RBFOX1: variants seen among roughly 807,000 people sequenced by gnomAD.
RBFOX1 encodes the protein RNA binding protein fox-1 homolog 1.
In RBFOX1, 8 loss-of-function variants were observed where a neutral mutation model predicts 57.7. That is an observed-to-expected ratio of 0.14 (90% CI 0.08 to 0.25). The LOEUF is 0.25. Among genes scored for constraint, RBFOX1 ranks in the 10% least tolerant of loss-of-function variants. The probability of loss-of-function intolerance (pLI) is 1.00; values close to 1 mark genes in which losing one functional copy is unlikely to be tolerated. For synonymous variants in RBFOX1, 326 were observed against 222.4 expected, an observed-to-expected ratio of 1.47 and a Z score of -4.15; for missense variants, 611 against 548.5, an observed-to-expected ratio of 1.11 and a Z score of -1.14.
chr16:7,234,552 A>T lies in RBFOX1; in HGVS notation c.27+182454A>T, dbSNP rs141893077. Among the ~76,000 whole-genome samples, 330 of 151,872 alleles carry T rather than the reference A, an allele frequency of 2.2e-3. 3 individuals are homozygous for T. Among genetic ancestry groups the T allele is most frequent in the Admixed American group, 0.016 (240 of 15,246 alleles). ...CCTGGATAGTATGAAGCATTTAACC[A>T]TGAAGTCTTCTGTTGCAAATGACAT... On this transcript the variant is annotated intron_variant, in intron 4 of 15. Coordinates refer to ENST00000550418, the MANE Select transcript of RBFOX1 (RefSeq NM_018723.4).
At chr16:7,542,028 G>A (rs908949749) in intron 5 of RBFOX1, among the ~76,000 whole-genome samples, 1 of 152,186 alleles carries the variant, frequency 6.6e-6, no homozygotes, top group Non-Finnish European at 1.5e-5. Flanking sequence ...TTTGACCTGA[G>A]CTGGGAAGAA....
intron 4 of RBFOX1, among the ~76,000 whole-genome samples, chr16:7,369,622 G>C (rs1486604951): frequency 1.3e-5 from 2 of 152,166 alleles, no homozygotes; most frequent in East Asian, 3.9e-4. Flanking sequence ...TTTGTCTGGA[G>C]TCAATTGGAT....
At chr16:5,702,847 A>G (rs1262208747) in intron 3 of RBFOX1, among the ~76,000 whole-genome samples, 1 of 152,156 alleles carries the variant, frequency 6.6e-6, no homozygotes, top group African/African-American at 2.4e-5. Flanking sequence ...TTTAGATAAC[A>G]CCCTCTATGC....
chr16:6,424,737 G>A (rs1201832964), intron 2 of RBFOX1, among the ~76,000 whole-genome samples: 3 of 152,020 alleles, frequency 2.0e-5, no homozygotes, highest in East Asian at 3.9e-4. Flanking sequence ...TCAACTATAG[G>A]GATGTGGAAA....
intron 4 of RBFOX1, among the ~76,000 whole-genome samples, chr16:7,511,880 T>C (rs199723364): frequency 8.8e-6 from 1 of 113,050 alleles, no homozygotes; most frequent in African/African-American, 3.6e-5. Flanking sequence ...TCTTAAAGCG[T>C]GAGATCTTGG....
chr16:7,361,243 T>C (rs1247604156), intron 4 of RBFOX1, among the ~76,000 whole-genome samples: 1 of 152,198 alleles, frequency 6.6e-6, no homozygotes, highest in Non-Finnish European at 1.5e-5. Context: ...GGCCTGTTTG[T>C]GTCATTGCAC....
At chr16:6,010,110 A>C (rs1371293785) in intron 4 of RBFOX1, among the ~76,000 whole-genome samples, 1 of 152,042 alleles carries the variant, frequency 6.6e-6, no homozygotes, top group Non-Finnish European at 1.5e-5. Context: ...AAGAATACTG[A>C]GGGTGCTGTG....
At chr16:6,172,511 C>G (rs531878751) in intron 1 of RBFOX1, among the ~76,000 whole-genome samples, 2 of 152,268 alleles carry the variant, frequency 1.3e-5, no homozygotes, top group Non-Finnish European at 2.9e-5. Flanking sequence ...TAGTGCCCCT[C>G]AACTTCATGT....
intron 1 of RBFOX1, among the ~76,000 whole-genome samples, chr16:5,383,802 C>T (rs1229936622): frequency 1.3e-5 from 2 of 152,190 alleles, no homozygotes; most frequent in African/African-American, 2.4e-5. Flanking sequence ...CTACAAGTGA[C>T]AGAACTCCAA....
intron 2 of RBFOX1, among the ~76,000 whole-genome samples, chr16:6,520,007 G>T (rs971664007): frequency 1.3e-5 from 2 of 152,122 alleles, no homozygotes; most frequent in African/African-American, 2.4e-5. Context: ...TCCTGGGAGA[G>T]ACACAAAAAC....
At chr16:6,183,435 G>A (rs777811566) in intron 1 of RBFOX1, among the ~76,000 whole-genome samples, 12 of 151,672 alleles carry the variant, frequency 7.9e-5, no homozygotes, top group South Asian at 2.1e-4. Flanking sequence ...AGCCGAGATC[G>A]CGCCATTGTG....
At chr16:6,440,576 C>A (rs1027759944) in intron 2 of RBFOX1, among the ~76,000 whole-genome samples, 1 of 151,872 alleles carries the variant, frequency 6.6e-6, no homozygotes. Flanking sequence ...CTGAGGCAGG[C>A]GGATCACGAG....
In RBFOX1 at chr16:6,009,816, C is replaced by CTGTGTGTGTG. The variant is rs148472437; in HGVS notation, c.351+142491_351+142500dup. Reference sequence around the variant, plus strand: ...GCAGTGTGTGTATGTGTGTGTGTGTCTGTGTGTGTGTGTGTGTGTATAGGG... The same window carrying CTGTGTGTGTG: ...GCAGTGTGTGTATGTGTGTGTGTGTCTGTGTGTGTGTGTGTGTGTGTGTGTGTGTATAGGG... On this transcript the variant is annotated intron_variant, in intron 4 of 19. Coordinates refer to the RBFOX1 transcript ENST00000641259. Among the ~76,000 whole-genome samples, 755 of 148,510 alleles carry CTGTGTGTGTG rather than the reference C, an allele frequency of 5.1e-3. 7 individuals are homozygous for CTGTGTGTGTG. The highest frequency in any genetic ancestry group is 0.014 in the African/African-American group (576 of 39,868).
intron 10 of RBFOX1, among the ~76,000 whole-genome samples, chr16:7,618,771 A>C (rs528106329): frequency 2.9e-4 from 44 of 152,346 alleles, no homozygotes; most frequent in Non-Finnish European, 5.6e-4. Flanking sequence ...GTCTTTTGAA[A>C]ATGTAGTTTT....
intron 1 of RBFOX1, among the ~76,000 whole-genome samples, chr16:5,407,249 C>A (rs2151454176): frequency 6.6e-6 from 1 of 152,306 alleles, no homozygotes. Flanking sequence ...CTCCATGATC[C>A]AGTCCCCTCC....
At chr16:5,395,015 A>G (rs2066511574) in intron 1 of RBFOX1, among the ~76,000 whole-genome samples, 1 of 152,092 alleles carries the variant, frequency 6.6e-6, no homozygotes, top group South Asian at 2.1e-4. Context: ...AGTTGCTCGG[A>G]GTCCCACATT....
intron 2 of RBFOX1, among the ~76,000 whole-genome samples, chr16:6,518,280 T>A (rs1029059089): frequency 1.3e-5 from 2 of 152,080 alleles, no homozygotes; most frequent in African/African-American, 4.8e-5. Flanking sequence ...TAAGAAAAGT[T>A]TTCATCTCAC....
intron 1 of RBFOX1, among the ~76,000 whole-genome samples, chr16:5,452,140 A>G (rs1356101124): frequency 1.6e-5 from 2 of 127,722 alleles, no homozygotes; most frequent in East Asian, 4.5e-4. Flanking sequence ...TTTTTTTGAG[A>G]CAGAGTCTTG....
chr16:6,784,098 T>C (rs181437683), intron 3 of RBFOX1, among the ~76,000 whole-genome samples: 85 of 152,204 alleles, frequency 5.6e-4, no homozygotes, highest in Non-Finnish European at 1.1e-3. Context: ...AGAATTTGAT[T>C]ATTGTATACC....
Sources: allele counts gnomAD v4.1 joint callset (sites outside exome capture counted in the v4.1 genomes callset), GRCh38; gene constraint gnomAD v4.1.1; transcripts MANE v1.5; gene names NCBI Gene and HGNC (gene_info 2026-07-23, HGNC 2026-07-21).